Variants in RNLS observed in about 807,000 individuals in gnomAD.
RNLS encodes renalase.
In RNLS, 39 loss-of-function variants were observed where a neutral mutation model predicts 39.8. The ratio of observed to expected loss-of-function variants is 0.98; its 90% CI spans 0.76 to 1.28. RNLS has a LOEUF of 1.28. Ranked by LOEUF, RNLS falls within the 50% of genes most tolerant of loss-of-function variation. RNLS has a pLI of 0.00. For synonymous variants in RNLS, 147 were observed against 150.7 expected, an observed-to-expected ratio of 0.98 and a Z score of 0.18; for missense variants, 410 against 413.3, an observed-to-expected ratio of 0.99 and a Z score of 0.07.
chr10:88,338,865 C>A (rs902561546), intron 5 of RNLS, among the ~76,000 whole-genome samples: 4 of 151,830 alleles, frequency 2.6e-5, no homozygotes, highest in African/African-American at 7.3e-5. Context: ...GGGCTCACGC[C>A]GTTCTCCCGC....
chr10:88,442,176 A>G (rs1351075009), intron 4 of RNLS, among the ~76,000 whole-genome samples: 2 of 152,238 alleles, frequency 1.3e-5, no homozygotes, highest in Admixed American at 6.5e-5. Context: ...ATGTAGGATA[A>G]TATGTTTCAA....
chr10:88,189,965 A>G, the RNLS span, among the ~76,000 whole-genome samples: 1 of 152,206 alleles, frequency 6.6e-6, no homozygotes, highest in Non-Finnish European at 1.5e-5. Flanking sequence ...TCGAAATGTC[A>G]TAACCAGAAC....
the RNLS span, among the ~76,000 whole-genome samples, chr10:88,178,831 C>T: frequency 6.6e-6 from 1 of 152,176 alleles, no homozygotes; most frequent in Non-Finnish European, 1.5e-5. Context: ...GAAACACATA[C>T]TATCTGGGGC....
intron 4 of RNLS, among the ~76,000 whole-genome samples, chr10:88,521,875 G>A (rs1490642980): frequency 1.3e-5 from 2 of 152,078 alleles, no homozygotes; most frequent in Non-Finnish European, 2.9e-5. Context: ...AGAAAAGTGA[G>A]GTTCAGATTT....
In RNLS at chr10:88,464,952, T is replaced by C. The variant is rs530294209; in HGVS notation, c.527-102227A>G. 4.6e-5 allele frequency among the ~76,000 whole-genome samples: 7 copies of C among 152,154 alleles called. No individual in the cohort carries two copies. In the East Asian group the frequency reaches 1.3e-3, roughly 29 times the overall value. On this transcript the variant is annotated intron_variant, in intron 4 of 6. Coordinates refer to ENST00000331772, the MANE Select transcript of RNLS (RefSeq NM_001031709.3). Reference sequence around the variant, plus strand: ...ATCCATACAGCATGGTGCCTAAAGGTGGTTCAAACTGGAATGGCTGGGTTC... The same window carrying C: ...ATCCATACAGCATGGTGCCTAAAGGCGGTTCAAACTGGAATGGCTGGGTTC...
At chr10:88,194,640 A>G in the RNLS span, among the ~76,000 whole-genome samples, 5 of 152,248 alleles carry the variant, frequency 3.3e-5, no homozygotes, top group African/African-American at 1.2e-4. Flanking sequence ...TGATGTTCAA[A>G]GTCTTGTTTG....
chr10:88,225,263 T>C, the RNLS span, among the ~76,000 whole-genome samples: 1 of 152,234 alleles, frequency 6.6e-6, no homozygotes, highest in Non-Finnish European at 1.5e-5. Context: ...CGCTTTAGAT[T>C]CTAAGGGGTC....
chr10:88,341,329 C>CAAAAAAA (rs755002114), intron 5 of RNLS, among the ~76,000 whole-genome samples: 4 of 50,692 alleles, frequency 7.9e-5, no homozygotes, highest in East Asian at 4.6e-4. Context: ...AACTCCATCT[C>CAAAAAAA]AAAAAAAAAA....
At position 88,284,934 on chromosome 10, in the gene RNLS, T is replaced by C; in HGVS notation, c.*420A>G. ...TTTGTATAATTTGCAAAAATATTGA[T>C]TCAAGGACACATCCGAAGACTTAAG... On this transcript the variant is annotated 3_prime_UTR_variant, in exon 7 of 7. Transcript: ENST00000331772. 15 of 986,738 alleles carry C rather than the reference T, an allele frequency of 1.5e-5. No individual in the cohort carries two copies. Among genetic ancestry groups the C allele is most frequent in the Non-Finnish European group, 1.8e-5 (15 of 830,814 alleles). 61.1% of individuals were successfully genotyped at this position (986,738 alleles called of 1,614,324 possible).
intron 4 of RNLS, among the ~76,000 whole-genome samples, chr10:88,563,920 T>C (rs1463949978): frequency 1.3e-5 from 2 of 152,206 alleles, no homozygotes; most frequent in African/African-American, 4.8e-5. Flanking sequence ...CTTTTCTACA[T>C]TGAAATAAAG....
At chr10:88,177,910 A>G in the RNLS span, among the ~76,000 whole-genome samples, 1 of 152,272 alleles carries the variant, frequency 6.6e-6, no homozygotes, top group Non-Finnish European at 1.5e-5. Context: ...GGATGTGAAC[A>G]TTGGGTAGGC....
intron 5 of RNLS, among the ~76,000 whole-genome samples, chr10:88,340,953 G>A (rs1273683867): frequency 1.3e-5 from 2 of 151,652 alleles, no homozygotes; most frequent in African/African-American, 4.8e-5. Flanking sequence ...CAGCTACTCG[G>A]GAGGCTGAGG....
At chr10:88,518,007 G>T (rs1453121581) in intron 4 of RNLS, among the ~76,000 whole-genome samples, 1 of 151,850 alleles carries the variant, frequency 6.6e-6, no homozygotes, top group Non-Finnish European at 1.5e-5. Context: ...AAATTTAATT[G>T]AAAGTTGTTT....
chr10:88,207,876 T>A, the RNLS span, among the ~76,000 whole-genome samples: 1 of 152,100 alleles, frequency 6.6e-6, no homozygotes, highest in East Asian at 1.9e-4. Flanking sequence ...ATTCTACCCT[T>A]CCAGCCTCCC....
the RNLS span, among the ~76,000 whole-genome samples, chr10:88,220,355 A>G: frequency 1.3e-5 from 2 of 152,190 alleles, no homozygotes; most frequent in Non-Finnish European, 2.9e-5. Context: ...CCATTAAGCC[A>G]AGGGACTGCT....
chr10:88,407,953 G>A (rs1247363537), intron 4 of RNLS, among the ~76,000 whole-genome samples: 1 of 152,030 alleles, frequency 6.6e-6, no homozygotes, highest in East Asian at 1.9e-4. Flanking sequence ...CTCTACTTTT[G>A]TGCTGGATTT....
chr10:88,492,554 G>A (rs1288884880), intron 4 of RNLS, among the ~76,000 whole-genome samples: 1 of 151,668 alleles, frequency 6.6e-6, no homozygotes, highest in African/African-American at 2.4e-5. Flanking sequence ...GAGTAGCTAG[G>A]ATTAAAGGTG....
At chr10:88,457,724 G>A (rs1374753167) in intron 4 of RNLS, among the ~76,000 whole-genome samples, 3 of 152,142 alleles carry the variant, frequency 2.0e-5, no homozygotes, top group Non-Finnish European at 4.4e-5. Flanking sequence ...CTTCCAAAAG[G>A]CTTTGTGAAA....
chr10:88,387,548 G>C (rs893072800), intron 4 of RNLS, among the ~76,000 whole-genome samples: 9 of 150,682 alleles, frequency 6.0e-5, no homozygotes, highest in Non-Finnish European at 1.0e-4. Context: ...TTACAGTGGT[G>C]GAGACTGAGA....
Sources: gnomAD v4.1 joint callset for allele counts (sites outside exome capture counted in the v4.1 genomes callset) on GRCh38, gnomAD v4.1.1 for gene constraint, MANE v1.5 for transcripts, NCBI Gene and HGNC (gene_info 2026-07-23, HGNC 2026-07-21) for gene names.